Variants in ERP44 observed in about 807,000 individuals in gnomAD.
ERP44 encodes endoplasmic reticulum resident protein 44.
Under a neutral mutation model 53.4 loss-of-function variants are expected in ERP44, and 25 were observed. That is an observed-to-expected ratio of 0.47 (90% CI 0.34 to 0.65). The LOEUF (loss-of-function observed/expected upper bound fraction) is 0.65, where lower values mean the gene tolerates loss of function less well. ERP44 is among the 30% of genes least tolerant of loss of function. ERP44 has a pLI of 0.01. For missense variants in ERP44, 338 were observed against 493.2 expected, an observed-to-expected ratio of 0.69 and a Z score of 2.98; for synonymous variants, 145 against 161.2, an observed-to-expected ratio of 0.90 and a Z score of 0.76.
rs555741488 is a variant in ERP44, at chr9:100,089,317, T to C, written c.57+9467A>G. Among the ~76,000 whole-genome samples, 149 of 152,218 alleles carry C rather than the reference T, an allele frequency of 9.8e-4. 3 individuals carry two copies. The highest frequency in any genetic ancestry group is 3.5e-3 in the African/African-American group (145 of 41,534). ...AAGAGAGGCCAGGCGTGGTGGCTCA[T>C]GCCTGTTAATCCCAGCACTTTGGAG... On this transcript the variant is annotated intron_variant, in intron 1 of 11. Transcript: ENST00000262455.
chr9:100,057,850 T>A lies in ERP44; in HGVS notation c.140A>T (p.Asp47Val). ...AGCATAAAAATTTACTAAAGCAACA[T>A]CAGCATTGTCTGAAATTGAAAGACA... ...ENIDEILNNA[D>V]VALVNFYADW... Residue 47 changes from aspartate (D) to valine (V), a missense_variant, in exon 3 of 12, where the codon GAT becomes GTT. Physicochemically the swap from Asp to Val is radical, Grantham distance 152. This residue lies in a region of ERP44 where 224 missense variants were observed against 301.4 expected (regional missense o/e 0.74). Transcript: ENST00000262455. 1 of 1,601,420 alleles carries A rather than the reference T, an allele frequency of 6.2e-7. No individual in the cohort carries two copies. Among genetic ancestry groups the A allele is most frequent in the South Asian group, 1.1e-5 (1 of 88,944 alleles).
chr9:100,053,506 C>T (rs1000106057), intron 3 of ERP44, among the ~76,000 whole-genome samples: 1 of 152,160 alleles, frequency 6.6e-6, no homozygotes, highest in Non-Finnish European at 1.5e-5. Context: ...TTACACAAAC[C>T]TAGATGGTAT....
intron 1 of ERP44, among the ~76,000 whole-genome samples, chr9:100,098,559 C>T (rs1826686820): frequency 6.6e-6 from 1 of 152,214 alleles, no homozygotes; most frequent in Non-Finnish European, 1.5e-5. Flanking sequence ...CGTATCAGTC[C>T]CTCAGGGCTA....
intron 10 of ERP44, among the ~76,000 whole-genome samples, chr9:100,003,806 G>C (rs1023948457): frequency 6.6e-6 from 1 of 152,110 alleles, no homozygotes; most frequent in African/African-American, 2.4e-5. Context: ...GTCTGTGGGA[G>C]TGGGCCTGGG....
Position 100,061,928 on chromosome 9 carries a change from T to C in ERP44, c.58-1756A>G, listed in dbSNP as rs144478305. Among the ~76,000 whole-genome samples the C allele has an allele frequency of 2.3e-3, 357 of 152,290 alleles. 3 individuals are homozygous for C. The highest frequency in any genetic ancestry group is 8.2e-3 in the African/African-American group (342 of 41,570). ...TATGGCACATTGGCATTTGAGGAAATAGCAGAAGCAAAAAGGTCTCCCTGA... is the reference window on the plus strand; with the variant it reads ...TATGGCACATTGGCATTTGAGGAAACAGCAGAAGCAAAAAGGTCTCCCTGA... On this transcript the variant is annotated intron_variant, in intron 1 of 11. Transcript: ENST00000262455.
intron 1 of ERP44, among the ~76,000 whole-genome samples, chr9:100,091,547 A>G: frequency 6.6e-6 from 1 of 152,242 alleles, no homozygotes; most frequent in East Asian, 1.9e-4. Context: ...TCTTAAAAAT[A>G]AAACAATAAA....
intron 11 of ERP44, among the ~76,000 whole-genome samples, chr9:99,983,406 G>A (rs928587423): frequency 1.3e-4 from 20 of 151,622 alleles, no homozygotes; most frequent in Admixed American, 2.6e-4. Flanking sequence ...TTAGCCGGGC[G>A]CGGTGGCGGG....
At chr9:100,038,739 C>T (rs1825871324) in intron 4 of ERP44, among the ~76,000 whole-genome samples, 1 of 151,960 alleles carries the variant, frequency 6.6e-6, no homozygotes, top group South Asian at 2.1e-4. Flanking sequence ...ACCCAAAGAT[C>T]TGTTGCTTAC....
At chr9:99,997,135 T>C (rs1173740353) in intron 10 of ERP44, among the ~76,000 whole-genome samples, 1 of 152,158 alleles carries the variant, frequency 6.6e-6, no homozygotes, top group Non-Finnish European at 1.5e-5. Context: ...TTTCATATAA[T>C]GACTTCCTTT....
At chr9:100,052,944 G>T (rs1371070382) in intron 3 of ERP44, among the ~76,000 whole-genome samples, 4 of 151,944 alleles carry the variant, frequency 2.6e-5, no homozygotes, top group African/African-American at 9.7e-5. Context: ...TTGAGACAGG[G>T]TCTCATTCTG....
chr9:100,037,860 A>G (rs966972508), intron 4 of ERP44, among the ~76,000 whole-genome samples: 43 of 152,204 alleles, frequency 2.8e-4, no homozygotes, highest in Non-Finnish European at 5.7e-4. Context: ...GAAATAACAT[A>G]AAATGGAACT....
chr9:100,082,823 C>A (rs1826442251), intron 1 of ERP44, among the ~76,000 whole-genome samples: 1 of 150,752 alleles, frequency 6.6e-6, no homozygotes, highest in South Asian at 2.1e-4. Context: ...AAGGGGTTAA[C>A]TGTATATTAA....
At chr9:99,983,562 A>AG (rs1451583609) in intron 11 of ERP44, among the ~76,000 whole-genome samples, 1 of 151,206 alleles carries the variant, frequency 6.6e-6, no homozygotes, top group East Asian at 1.9e-4. Flanking sequence ...AAAAAAAAAA[A>AG]AAAAAAAAAA....
At chr9:99,986,227 TCTAC>T (rs1463272146) in intron 10 of ERP44, among the ~76,000 whole-genome samples, 1 of 152,220 alleles carries the variant, frequency 6.6e-6, no homozygotes, top group Non-Finnish European at 1.5e-5. Context: ...TTACTATCTG[TCTAC>T]CTGTTTGTTC....
chr9:100,057,179 T>C (rs191596438), intron 3 of ERP44, among the ~76,000 whole-genome samples: 3 of 152,328 alleles, frequency 2.0e-5, no homozygotes, highest in African/African-American at 7.2e-5. Flanking sequence ...CTATGCTGAA[T>C]CTTTCCAGCT....
intron 10 of ERP44, among the ~76,000 whole-genome samples, chr9:100,006,143 A>G (rs941014147): frequency 1.3e-5 from 2 of 152,212 alleles, no homozygotes; most frequent in Non-Finnish European, 2.9e-5. Flanking sequence ...ACCCTGGCCT[A>G]AGGTTATAAG....
At chr9:100,003,025 C>T (rs1450829025) in intron 10 of ERP44, among the ~76,000 whole-genome samples, 3 of 152,002 alleles carry the variant, frequency 2.0e-5, no homozygotes, top group African/African-American at 7.2e-5. Context: ...TTTCAAATAA[C>T]CTGTATGTTC....
intron 1 of ERP44, among the ~76,000 whole-genome samples, chr9:100,091,131 A>C (rs558097483): frequency 3.3e-5 from 5 of 152,212 alleles, no homozygotes; most frequent in Non-Finnish European, 7.3e-5. Flanking sequence ...CTATATTAGC[A>C]ATGTTCGTGT....
At chr9:100,043,322 A>C (rs908763074) in intron 4 of ERP44, among the ~76,000 whole-genome samples, 4 of 147,802 alleles carry the variant, frequency 2.7e-5, no homozygotes, top group African/African-American at 9.9e-5. Context: ...TGCTAGCACA[A>C]CAGGGTGACT....
Sources: gnomAD v4.1 joint callset for allele counts (sites outside exome capture counted in the v4.1 genomes callset) on GRCh38, gnomAD v4.1.1 for gene constraint, gnomAD v4.1.1 regional missense constraint, MANE v1.5 for transcripts, NCBI Gene and HGNC (gene_info 2026-07-23, HGNC 2026-07-21) for gene names.